The following METTL25 variants were observed in gnomAD, a reference collection of about 807,000 sequenced individuals.
The protein encoded by METTL25 is probable methyltransferase-like protein 25.
A neutral mutation model predicts 71.6 loss-of-function variants in METTL25; 64 were observed. The ratio of observed to expected loss-of-function variants is 0.89; its 90% CI spans 0.73 to 1.10. The LOEUF (loss-of-function observed/expected upper bound fraction) is 1.10. METTL25 is among the 50% of genes least tolerant of loss of function. The pLI is 0.00. For missense variants in METTL25, 807 were observed against 707.0 expected, an observed-to-expected ratio of 1.14 and a Z score of -1.60; for synonymous variants, 287 against 250.3, an observed-to-expected ratio of 1.15 and a Z score of -1.38.
At chr12:82,417,967 C>T (rs1158449765) in intron 5 of METTL25, among the ~76,000 whole-genome samples, 1 of 152,044 alleles carries the variant, frequency 6.6e-6, no homozygotes, top group East Asian at 1.9e-4. Flanking sequence ...ACCTGTTGGC[C>T]CTTTCAAGAA....
intron 9 of METTL25, among the ~76,000 whole-genome samples, chr12:82,463,209 T>C (rs1041547458): frequency 2.6e-5 from 4 of 152,012 alleles, no homozygotes; most frequent in Non-Finnish European, 5.9e-5. Context: ...CTTTAACAAA[T>C]CACTGTCTAT....
intron 1 of METTL25, among the ~76,000 whole-genome samples, chr12:82,378,356 A>G (rs1226706170): frequency 1.3e-5 from 2 of 152,210 alleles, no homozygotes; most frequent in African/African-American, 4.8e-5. Context: ...TATACACATC[A>G]TTACAAAAAC....
chr12:82,371,052 A>T (rs1009667486), intron 1 of METTL25, among the ~76,000 whole-genome samples: 1 of 152,224 alleles, frequency 6.6e-6, no homozygotes, highest in African/African-American at 2.4e-5. Flanking sequence ...GAACACACTT[A>T]CTATCTGTAG....
In METTL25 at chr12:82,449,257, T is replaced by C. The variant is rs555018005; in HGVS notation, c.1479-7470T>C. Among the ~76,000 whole-genome samples the C allele has an allele frequency of 1.2e-4, 18 of 152,322 alleles. No homozygotes were observed. The South Asian group carries it at 3.1e-3, about 26-fold the overall frequency. ...TGTCTTTCCCAAATAGTCATGTCAC[T>C]TTTCTAAGTTTCAAATGTTTGCTAA... On this transcript the variant is annotated intron_variant, in intron 8 of 11. Transcript: ENST00000248306.
At chr12:82,451,579 C>T (rs1206333287) in intron 8 of METTL25, among the ~76,000 whole-genome samples, 1 of 152,134 alleles carries the variant, frequency 6.6e-6, no homozygotes, top group Non-Finnish European at 1.5e-5. Context: ...TCTGTTGAAA[C>T]CATGCTTACT....
intron 1 of METTL25, among the ~76,000 whole-genome samples, chr12:82,366,920 A>G (rs1882639618): frequency 6.6e-6 from 1 of 152,234 alleles, no homozygotes; most frequent in Non-Finnish European, 1.5e-5. Context: ...TGTTAGCCCC[A>G]TTCCAGGGGA....
chr12:82,395,626 G>C (rs559220429), intron 3 of METTL25, among the ~76,000 whole-genome samples: 134 of 152,142 alleles, frequency 8.8e-4, no homozygotes, highest in African/African-American at 3.1e-3. Context: ...CTAAAGTACA[G>C]TACCATACTA....
chr12:82,415,422 A>G (rs376777440), intron 5 of METTL25, among the ~76,000 whole-genome samples: 1 of 152,262 alleles, frequency 6.6e-6, no homozygotes, highest in South Asian at 2.1e-4. Flanking sequence ...AAATCGGGCT[A>G]TATATACCTG....
intron 1 of METTL25, among the ~76,000 whole-genome samples, chr12:82,363,189 G>T (rs1220758179): frequency 2.0e-5 from 3 of 152,180 alleles, no homozygotes; most frequent in African/African-American, 7.2e-5. Flanking sequence ...AACTCCACAT[G>T]CCTGGGAGAC....
chr12:82,478,083 G>A (rs1187231605), intron 11 of METTL25, among the ~76,000 whole-genome samples: 2 of 151,772 alleles, frequency 1.3e-5, no homozygotes, highest in East Asian at 1.9e-4. Context: ...GTATTTTTAT[G>A]GAGAAAGGCA....
At chr12:82,363,178 TA>T (rs1478333379) in intron 1 of METTL25, among the ~76,000 whole-genome samples, 1 of 152,206 alleles carries the variant, frequency 6.6e-6, no homozygotes, top group Non-Finnish European at 1.5e-5. Flanking sequence ...AATGATCTCT[TA>T]ACTCCACATG....
intron 7 of METTL25, among the ~76,000 whole-genome samples, chr12:82,437,086 A>G (rs1889976288): frequency 6.6e-6 from 1 of 151,686 alleles, no homozygotes; most frequent in African/African-American, 2.4e-5. Context: ...AAGATGAGAA[A>G]ATCTCAAATG....
chr12:82,378,841 A>G (rs947455599), intron 1 of METTL25, among the ~76,000 whole-genome samples: 7 of 152,094 alleles, frequency 4.6e-5, no homozygotes, highest in Admixed American at 3.3e-4. Flanking sequence ...CAGCCTGAGT[A>G]ACATAGTGAG....
chr12:82,361,113 C>T lies in METTL25; in HGVS notation c.259+2289C>T, dbSNP rs900885452. 7.2e-5 allele frequency among the ~76,000 whole-genome samples: 11 copies of T among 152,256 alleles called. 1 individual carries two copies. The highest frequency in any genetic ancestry group is 2.1e-4 in the South Asian group (1 of 4,808). On this transcript the variant is annotated intron_variant, in intron 1 of 11. Coordinates refer to ENST00000248306, the MANE Select transcript of METTL25 (RefSeq NM_032230.3). ...CCCACCCACATCCTGCCGATTGGTC[C>T]ATTTTACAGAGAGCTGATTGGTCCA...
chr12:82,376,243 T>A (rs1201517766), intron 1 of METTL25, among the ~76,000 whole-genome samples: 2 of 152,204 alleles, frequency 1.3e-5, no homozygotes, highest in Non-Finnish European at 2.9e-5. Context: ...TTTCAACTCA[T>A]ACAAATTTTT....
At chr12:82,422,297 C>G (rs1349901236) in intron 5 of METTL25, among the ~76,000 whole-genome samples, 1 of 152,076 alleles carries the variant, frequency 6.6e-6, no homozygotes, top group Non-Finnish European at 1.5e-5. Flanking sequence ...AGACAAAAAC[C>G]ACATGATTAT....
At chr12:82,391,993 C>A (rs1044330637) in intron 3 of METTL25, among the ~76,000 whole-genome samples, 3 of 151,436 alleles carry the variant, frequency 2.0e-5, no homozygotes, top group African/African-American at 7.3e-5. Flanking sequence ...TGATATTGGA[C>A]ATTTTTTCAT....
intron 9 of METTL25, among the ~76,000 whole-genome samples, chr12:82,470,501 T>A (rs1308348799): frequency 6.6e-6 from 1 of 152,128 alleles, no homozygotes; most frequent in African/African-American, 2.4e-5. Context: ...GCCACAATAC[T>A]AGGCACTACA....
intron 5 of METTL25, among the ~76,000 whole-genome samples, chr12:82,416,446 GT>G (rs5799585): frequency 7.6e-4 from 104 of 136,778 alleles, no homozygotes; most frequent in African/African-American, 1.8e-3. Flanking sequence ...TATCATTTAG[GT>G]TTTTTTTTTT....
Sources: allele counts gnomAD v4.1 joint callset (sites outside exome capture counted in the v4.1 genomes callset), GRCh38; gene constraint gnomAD v4.1.1; transcripts MANE v1.5; gene names NCBI Gene and HGNC (gene_info 2026-07-23, HGNC 2026-07-21).